BCL2L11: variants seen among roughly 807,000 people sequenced by gnomAD.
BCL2L11 encodes the protein BCL2 like 11.
In BCL2L11, 15 loss-of-function variants were observed where a neutral mutation model predicts 20.6. The observed-to-expected ratio is 0.73, with a 90% CI of 0.49 to 1.12. BCL2L11 has a LOEUF of 1.12. Among genes scored for constraint, BCL2L11 ranks in the 50% most tolerant of loss-of-function variants. BCL2L11 has a pLI of 0.00. For synonymous variants in BCL2L11, 108 were observed against 92.8 expected, an observed-to-expected ratio of 1.16 and a Z score of -0.94; for missense variants, 292 against 260.9, an observed-to-expected ratio of 1.12 and a Z score of -0.82.
chr2:111,122,998 C>G, intron 1 of BCL2L11: 3 of 985,312 alleles, frequency 3.0e-6, no homozygotes, highest in Non-Finnish European at 3.6e-6. Context: ...CCGGTGTCGC[C>G]TAGCCTGCGG....
intron 2 of BCL2L11, among the ~76,000 whole-genome samples, chr2:111,143,558 C>T (rs751620390): frequency 5.3e-5 from 8 of 152,208 alleles, no homozygotes; most frequent in East Asian, 1.9e-4. Context: ...GGAATAGCAT[C>T]GTAGCACTCA....
At chr2:111,153,952 T>C (rs566369656) in intron 3 of BCL2L11, 1 of 1,454,924 alleles carries the variant, frequency 6.9e-7, no homozygotes, top group East Asian at 2.6e-5. Context: ...CCCGATGCAG[T>C]GTCATTCCCA....
intron 2 of BCL2L11, among the ~76,000 whole-genome samples, chr2:111,141,222 T>A (rs1489762163): frequency 6.6e-6 from 1 of 152,112 alleles, no homozygotes; most frequent in African/African-American, 2.4e-5. Flanking sequence ...CACGTATGTT[T>A]ATTGCGGCAT....
At chr2:111,132,462 C>T (rs1450239939) in intron 2 of BCL2L11, among the ~76,000 whole-genome samples, 4 of 152,150 alleles carry the variant, frequency 2.6e-5, no homozygotes, top group Non-Finnish European at 4.4e-5. Flanking sequence ...TTGTAGTTTT[C>T]TTTGGAGCAC....
intron 2 of BCL2L11, among the ~76,000 whole-genome samples, chr2:111,149,056 A>G (rs1194242467): frequency 6.6e-6 from 1 of 152,188 alleles, no homozygotes; most frequent in Non-Finnish European, 1.5e-5. Context: ...TTTTACAGTA[A>G]GTTAACGTAA....
At chr2:111,153,848 G>C (rs1256532789) in intron 3 of BCL2L11, 5 of 1,551,354 alleles carry the variant, frequency 3.2e-6, no homozygotes, top group Non-Finnish European at 4.4e-6. Context: ...GTGGGGAAGC[G>C]TTTGAGACGG....
At chr2:111,158,380 G>A (rs911290573) in intron 3 of BCL2L11, among the ~76,000 whole-genome samples, 2 of 152,034 alleles carry the variant, frequency 1.3e-5, no homozygotes, top group African/African-American at 4.8e-5. Flanking sequence ...GTATTCTCAG[G>A]CTCCTGGATG....
intron 2 of BCL2L11, among the ~76,000 whole-genome samples, chr2:111,129,568 A>C (rs1176957933): frequency 6.6e-6 from 1 of 152,230 alleles, no homozygotes; most frequent in Non-Finnish European, 1.5e-5. Flanking sequence ...TACTGTCACA[A>C]CCAGCAGTTG....
At position 111,158,438 on chromosome 2, in the gene BCL2L11, C is replaced by T. The variant is rs574630780; in HGVS notation, c.499-5695C>T. On this transcript the variant is annotated intron_variant, in intron 3 of 3. Transcript: ENST00000393256. The stretch of plus-strand genomic sequence containing the variant: ...GCAGCCTGTGGGGATCAGACACCAA[C>T]CAGAGAGACTGCTTCCTCAGTTGCC... Among the ~76,000 whole-genome samples the T allele has an allele frequency of 3.3e-5, 5 of 152,234 alleles. No homozygotes were observed. The South Asian group carries it at 1.0e-3, about 32-fold the overall frequency.
At chr2:111,130,107 CTCTTTTT>C (rs2150313802) in intron 2 of BCL2L11, 1 of 393,382 alleles carries the variant, frequency 2.5e-6, no homozygotes, top group Admixed American at 3.0e-5. Context: ...ACTTTTACTT[CTCTTTTT>C]TTTTTTTTTT....
intron 2 of BCL2L11, chr2:111,128,667 T>G (rs373364409): frequency 1.3e-6 from 2 of 1,549,142 alleles, no homozygotes; most frequent in African/African-American, 2.7e-5. Flanking sequence ...CACTGTGCTT[T>G]GGATTTATAT....
At chr2:111,143,749 G>A (rs1217542762) in intron 2 of BCL2L11, among the ~76,000 whole-genome samples, 1 of 152,140 alleles carries the variant, frequency 6.6e-6, no homozygotes, top group Non-Finnish European at 1.5e-5. Flanking sequence ...CTCAGTCTGG[G>A]TTTGCTCCTG....
intron 2 of BCL2L11, 122 bp from the exon 3 acceptor site, chr2:111,149,922 G>GGAGCTC (rs1179256349): frequency 1.8e-5 from 13 of 729,390 alleles, no homozygotes; most frequent in East Asian, 2.8e-5. Flanking sequence ...TTGAAGTCAG[G>GGAGCTC]GAGCTCCCAG....
In BCL2L11 at chr2:111,122,056, G is replaced by A. The variant is rs186318425; in HGVS notation, c.-14+868G>A. 1.7e-3 allele frequency among the ~76,000 whole-genome samples: 263 copies of A among 152,346 alleles called. 3 individuals are homozygous for A. The highest frequency in any genetic ancestry group is 6.0e-3 in the African/African-American group (250 of 41,586). ...GGCCCGACGGACGCCAGGGCGGAGGGTGTGAATTTACTCGATGGTCGCGGA... is the reference window on the plus strand; with the variant it reads ...GGCCCGACGGACGCCAGGGCGGAGGATGTGAATTTACTCGATGGTCGCGGA... On this transcript the variant is annotated intron_variant, in intron 1 of 3. Coordinates refer to ENST00000393256, the MANE Select transcript of BCL2L11 (RefSeq NM_138621.5).
chr2:111,122,958 G>A (rs1196538565), intron 1 of BCL2L11: 2 of 985,440 alleles, frequency 2.0e-6, no homozygotes, highest in Non-Finnish European at 1.2e-6. Context: ...TGAGGGGAGG[G>A]TCTGTGGGAT....
At chr2:111,139,059 A>G (rs1221684099) in intron 2 of BCL2L11, among the ~76,000 whole-genome samples, 1 of 152,158 alleles carries the variant, frequency 6.6e-6, no homozygotes, top group African/African-American at 2.4e-5. Context: ...CTCCTAGGGA[A>G]GTGAATTCAT....
At position 111,164,323 on chromosome 2, in the gene BCL2L11, T is replaced by C; in HGVS notation, c.*92T>C. The stretch of plus-strand genomic sequence containing the variant: ...CCGCGGTCTCCTGGTGCCATTATTA[T>C]GCAGCCAGCGGTTCTCTTGTGGAGG... On this transcript the variant is annotated 3_prime_UTR_variant, in exon 4 of 4. Coordinates refer to ENST00000393256, the MANE Select transcript of BCL2L11 (RefSeq NM_138621.5). 1 of 943,714 alleles carries C rather than the reference T, an allele frequency of 1.1e-6. No individual in the cohort carries two copies. Among genetic ancestry groups the C allele is most frequent in the Non-Finnish European group, 1.7e-6 (1 of 575,194 alleles). The allele number at this position is 943,714 out of a possible 1,614,324, so 58.5% of individuals were successfully genotyped here.
chr2:111,145,331 G>A (rs2076366089), intron 2 of BCL2L11, among the ~76,000 whole-genome samples: 1 of 152,082 alleles, frequency 6.6e-6, no homozygotes, highest in Non-Finnish European at 1.5e-5. Flanking sequence ...TTATGGCATC[G>A]TCACAGAGAA....
intron 3 of BCL2L11, among the ~76,000 whole-genome samples, chr2:111,150,886 G>C (rs532451270): frequency 1.7e-5 from 2 of 117,264 alleles, no homozygotes; most frequent in South Asian, 4.6e-4. Flanking sequence ...GGACACTTTT[G>C]TTTGTTTGTT....
Sources: allele counts gnomAD v4.1 joint callset (sites outside exome capture counted in the v4.1 genomes callset), GRCh38; gene constraint gnomAD v4.1.1; transcripts MANE v1.5; gene names NCBI Gene and HGNC (gene_info 2026-07-23, HGNC 2026-07-21).